Variants in AARSD1 observed in about 807,000 individuals in gnomAD.
The protein encoded by AARSD1 is alanyl-tRNA synthetase domain containing 1.
A neutral mutation model predicts 48.7 loss-of-function variants in AARSD1; 44 were observed. That is an observed-to-expected ratio of 0.90 (90% CI 0.71 to 1.16). The LOEUF (loss-of-function observed/expected upper bound fraction) is 1.16. Among genes scored for constraint, AARSD1 ranks in the 50% most tolerant of loss-of-function variants. The pLI is 0.00. For missense variants in AARSD1, 511 were observed against 523.1 expected, an observed-to-expected ratio of 0.98 and a Z score of 0.23; for synonymous variants, 189 against 194.9, an observed-to-expected ratio of 0.97 and a Z score of 0.25.
At position 42,957,213 on chromosome 17, in the gene AARSD1, G is replaced by A. The variant is rs1426971283; in HGVS notation, c.332-18C>T. On this transcript the variant is annotated intron_variant, in intron 3 of 11. Transcript: ENST00000427569. ...ATGCTGCCCTAAGCAAAGAGAGCCA[G>A]AGACAGGAGAAAAGTGAGAAGCCTA... 6.2e-7 allele frequency: 1 copy of A among 1,613,240 alleles called. No homozygotes were observed. Among genetic ancestry groups the A allele is most frequent in the South Asian group, 1.1e-5 (1 of 91,050 alleles).
At chr17:42,963,201 C>A (rs2049661688) in intron 2 of AARSD1, among the ~76,000 whole-genome samples, 1 of 151,370 alleles carries the variant, frequency 6.6e-6, no homozygotes, top group Admixed American at 6.6e-5. Flanking sequence ...ATGCCTCAGC[C>A]TCCCGAGTAG....
chr17:42,954,833 C>T (rs768151998), intron 9 of AARSD1, 43 bp downstream of exon 9: 6 of 1,606,722 alleles, frequency 3.7e-6, no homozygotes, highest in Non-Finnish European at 5.1e-6. Flanking sequence ...GCCCTAAGCC[C>T]AACACAGTTC....
At chr17:42,952,123 C>T in intron 10 of AARSD1, 1 of 524,358 alleles carries the variant, frequency 1.9e-6, no homozygotes, top group Non-Finnish European at 3.4e-6. Context: ...CAGCAGAAGA[C>T]TGCTGATCCT....
At chr17:42,963,250 T>G (rs2049662712) in intron 2 of AARSD1, among the ~76,000 whole-genome samples, 1 of 151,148 alleles carries the variant, frequency 6.6e-6, no homozygotes, top group South Asian at 2.1e-4. Context: ...CTGGTTAATT[T>G]TTATATTTTT....
At position 42,961,191 on chromosome 17, in the gene AARSD1, C is replaced by T; in HGVS notation, c.331+1G>A. Reference sequence around the variant, plus strand: ...GTTATGTCCCCCATCCCAGCCTTTACCTGAATGCTGCTGCATGTGGTCAAA... The same window carrying T: ...GTTATGTCCCCCATCCCAGCCTTTATCTGAATGCTGCTGCATGTGGTCAAA... On this transcript the variant is annotated splice_donor_variant, in intron 3 of 11. Transcript: ENST00000427569. LOFTEE classifies it high-confidence loss of function. 1 of 1,609,468 alleles carries T rather than the reference C, an allele frequency of 6.2e-7. No homozygotes were observed. Among genetic ancestry groups the T allele is most frequent in the Non-Finnish European group, 8.5e-7 (1 of 1,176,802 alleles).
At chr17:42,957,272 T>C (rs2049571389) in intron 3 of AARSD1, 77 bp from the exon 4 acceptor site, 9 of 1,575,328 alleles carry the variant, frequency 5.7e-6, no homozygotes, top group South Asian at 3.4e-5. Flanking sequence ...TGAGCTACAA[T>C]GATAAAAGCA....
At chr17:42,955,439 T>A in intron 7 of AARSD1, 3 of 366,230 alleles carry the variant, frequency 8.2e-6, no homozygotes, top group East Asian at 5.3e-5. Context: ...ACTTGATCTT[T>A]TTTTTTTTTT....
chr17:42,960,721 CAA>C (rs912931801), intron 3 of AARSD1, among the ~76,000 whole-genome samples: 70 of 77,790 alleles, frequency 9.0e-4, no homozygotes, highest in Admixed American at 1.1e-3. Flanking sequence ...AACTCTGTGT[CAA>C]AAAAAAAAAA....
intron 8 of AARSD1, 83 bp downstream of exon 8, chr17:42,955,075 A>G (rs1346073170): frequency 6.2e-7 from 1 of 1,611,796 alleles, no homozygotes; most frequent in Middle Eastern, 1.6e-4. Flanking sequence ...CAAACTACAC[A>G]TCTGTTTAGG....
chr17:42,960,975 C>T (rs532269643), intron 3 of AARSD1: 2 of 737,070 alleles, frequency 2.7e-6, no homozygotes, highest in South Asian at 2.7e-5. Context: ...GTTGATAATA[C>T]CTAAATCCAG....
intron 3 of AARSD1, among the ~76,000 whole-genome samples, chr17:42,958,308 T>C (rs1328694080): frequency 6.6e-6 from 1 of 152,032 alleles, no homozygotes; most frequent in Non-Finnish European, 1.5e-5. Context: ...GAGACCAGCC[T>C]GAAACAACGT....
chr17:42,964,245 G>T lies in AARSD1; in HGVS notation c.40-8C>A, dbSNP rs953210886. 6.2e-7 allele frequency: 1 copy of T among 1,604,570 alleles called. No homozygotes were observed. Among genetic ancestry groups the T allele is most frequent in the Non-Finnish European group, 8.5e-7 (1 of 1,178,080 alleles). On this transcript the variant is annotated splice_polypyrimidine_tract_variant and splice_region_variant and intron_variant, in intron 1 of 11. Transcript: ENST00000427569. ...GACCACGGTGGTGGTGAACTGAACAGAGAGGAATGAGAGAATAAGCCCCGA... is the reference window on the plus strand; with the variant it reads ...GACCACGGTGGTGGTGAACTGAACATAGAGGAATGAGAGAATAAGCCCCGA...
At chr17:42,955,436 CTT>C (rs34063248) in intron 7 of AARSD1, 9,842 of 278,310 alleles carry the variant, frequency 0.035, no homozygotes, top group South Asian at 0.058. Flanking sequence ...AGCACTTGAT[CTT>C]TTTTTTTTTT....
At chr17:42,954,044 G>A (rs757343442) in intron 9 of AARSD1, 29 of 479,498 alleles carry the variant, frequency 6.0e-5, no homozygotes, top group Non-Finnish European at 1.1e-4. Flanking sequence ...AGTAAAGGAG[G>A]TAGGGGACAG....
Position 42,956,322 on chromosome 17 carries a change from T to G in AARSD1, c.547-2A>C. ...ATCAGGCAAACCCCGGCCACTCACC[T>G]GGACTCAAGGAGAGGGGAGGGACTG... On this transcript the variant is annotated splice_acceptor_variant, in intron 5 of 11. Transcript: ENST00000427569. LOFTEE classifies it high-confidence loss of function. 1.9e-6 allele frequency: 3 copies of G among 1,614,130 alleles called. No homozygotes were observed. Among genetic ancestry groups the G allele is most frequent in the Non-Finnish European group, 2.5e-6 (3 of 1,180,016 alleles).
chr17:42,953,906 C>A, intron 9 of AARSD1, 128 bp from the exon 10 acceptor site: 2 of 1,203,116 alleles, frequency 1.7e-6, no homozygotes, highest in Non-Finnish European at 2.4e-6. Context: ...ATCCCTTAGC[C>A]AAGAGAGAGT....
Position 42,961,247 on chromosome 17 carries a change from C to G in AARSD1, c.276G>C (p.Gln92His). ...GCTCCCAATCTACCCGGACCAGAAC[C>G]TGGCTTCCTGGATCCAGGGGTGTCT... Reference protein sequence around the residue: ...FTQTPLDPGSQVLVRVDWERR... With the variant: ...FTQTPLDPGSHVLVRVDWERR... The change falls in exon 3 of 12, where the codon CAG becomes CAC. Residue 92 changes from glutamine to histidine, a missense_variant. Coordinates refer to ENST00000427569, the MANE Select transcript of AARSD1 (RefSeq NM_001261434.2). 6.2e-7 allele frequency: 1 copy of G among 1,614,166 alleles called. No individual in the cohort carries two copies. The highest frequency in any genetic ancestry group is 8.5e-7 in the Non-Finnish European group (1 of 1,180,012).
chr17:42,953,206 C>T (rs1312537145), intron 10 of AARSD1, among the ~76,000 whole-genome samples: 2 of 152,142 alleles, frequency 1.3e-5, no homozygotes, highest in Non-Finnish European at 2.9e-5. Flanking sequence ...TCTCGAACTC[C>T]TGAGCTGAGG....
intron 7 of AARSD1, 118 bp downstream of exon 7, chr17:42,955,724 G>C: frequency 6.5e-7 from 1 of 1,533,898 alleles, no homozygotes; most frequent in Non-Finnish European, 8.8e-7. Context: ...TACAGATGTG[G>C]GCCACCACGC....
Sources: allele counts gnomAD v4.1 joint callset (sites outside exome capture counted in the v4.1 genomes callset), GRCh38; gene constraint gnomAD v4.1.1; transcripts MANE v1.5; gene names NCBI Gene and HGNC (gene_info 2026-07-23, HGNC 2026-07-21).